ATP9B: variants seen among roughly 807,000 people sequenced by gnomAD.
ATP9B encodes probable phospholipid-transporting ATPase IIB.
A neutral mutation model predicts 146.1 loss-of-function variants in ATP9B; 110 were observed. The ratio of observed to expected loss-of-function variants is 0.75; its 90% CI spans 0.65 to 0.88. The LOEUF (loss-of-function observed/expected upper bound fraction) is 0.88, where lower values mean the gene tolerates loss of function less well. Ranked by LOEUF, ATP9B falls within the 40% of genes least tolerant of loss-of-function variation. The pLI is 0.00. For missense variants in ATP9B, 1,499 were observed against 1,496.4 expected (o/e 1.00, Z -0.03); for synonymous variants, 604 against 569.7 (o/e 1.06, Z -0.86).
intron 1 of ATP9B, chr18:79,077,942 C>T (rs946794125): frequency 6.6e-6 from 1 of 152,164 alleles, no homozygotes; most frequent in Non-Finnish European, 1.5e-5. Flanking sequence ...TAATAAAAGC[C>T]GGTTCGATCT....
chr18:79,208,898 C>A (rs1354480132), intron 10 of ATP9B, among the ~76,000 whole-genome samples: 2 of 152,204 alleles, frequency 1.3e-5, no homozygotes, highest in Non-Finnish European at 2.9e-5. Context: ...CAGGAGGACT[C>A]TTCTGGGGTG....
At chr18:79,348,926 G>A (rs1351496795) in intron 25 of ATP9B, among the ~76,000 whole-genome samples, 1 of 152,266 alleles carries the variant, frequency 6.6e-6, no homozygotes, top group East Asian at 1.9e-4. Context: ...GGAGGTTTCA[G>A]TGAGCTAAGA....
chr18:79,187,969 C>T (rs1436244673), intron 8 of ATP9B, among the ~76,000 whole-genome samples: 1 of 152,108 alleles, frequency 6.6e-6, no homozygotes. Flanking sequence ...TGACTTACAA[C>T]TCTCCAGTCC....
chr18:79,243,226 G>A (rs1009251859), intron 11 of ATP9B, among the ~76,000 whole-genome samples: 4 of 152,192 alleles, frequency 2.6e-5, no homozygotes, highest in African/African-American at 9.7e-5. Flanking sequence ...CTTTGTTCAC[G>A]ATGATAGTAA....
chr18:79,347,598 C>T (rs304918), intron 23 of ATP9B, among the ~76,000 whole-genome samples, 172 bp from the exon 24 acceptor site: 15,083 of 152,276 alleles, frequency 0.099, 942 homozygotes, highest in Non-Finnish European at 0.13. Context: ...TCTTCCTGCC[C>T]CTGTGTCTGA....
chr18:79,073,090 T>G (rs2072126619), intron 1 of ATP9B, among the ~76,000 whole-genome samples: 1 of 151,286 alleles, frequency 6.6e-6, no homozygotes, highest in Non-Finnish European at 1.5e-5. Flanking sequence ...GCGGAGACGC[T>G]CCTCACTTCC....
chr18:79,372,637 G>C, intron 26 of ATP9B, 188 bp from the exon 27 acceptor site: 1 of 676,340 alleles, frequency 1.5e-6, no homozygotes, highest in South Asian at 1.5e-5. Context: ...GTGGGACCCA[G>C]GCAGCTTCTT....
At chr18:79,240,600 C>T (rs917064493) in intron 11 of ATP9B, among the ~76,000 whole-genome samples, 8 of 152,136 alleles carry the variant, frequency 5.3e-5, no homozygotes, top group Non-Finnish European at 1.2e-4. Flanking sequence ...ACAAAATTAG[C>T]TGGGTGTGGT....
At chr18:79,202,051 C>G (rs1221186269) in intron 9 of ATP9B, among the ~76,000 whole-genome samples, 1 of 151,992 alleles carries the variant, frequency 6.6e-6, no homozygotes, top group Non-Finnish European at 1.5e-5. Context: ...GAGTGAGACC[C>G]TGTCCTAAAA....
At chr18:79,287,042 G>T (rs1178342904) in intron 13 of ATP9B, among the ~76,000 whole-genome samples, 3 of 152,174 alleles carry the variant, frequency 2.0e-5, no homozygotes, top group African/African-American at 7.2e-5. Context: ...GAGGATGCTT[G>T]CATCAGTGTT....
intron 11 of ATP9B, among the ~76,000 whole-genome samples, chr18:79,215,147 CA>C (rs11444921): frequency 9.9e-4 from 115 of 115,738 alleles, no homozygotes; most frequent in Admixed American, 1.0e-3. Flanking sequence ...GATTCTGTCT[CA>C]AAAAAAAAAA....
At chr18:79,159,709 C>A (rs546332355) in intron 7 of ATP9B, among the ~76,000 whole-genome samples, 6 of 152,316 alleles carry the variant, frequency 3.9e-5, no homozygotes, top group African/African-American at 1.4e-4. Flanking sequence ...CCCAGCACAC[C>A]TATCTAGCTA....
intron 15 of ATP9B, among the ~76,000 whole-genome samples, chr18:79,321,131 T>G (rs1308644928): frequency 6.6e-6 from 1 of 152,216 alleles, no homozygotes; most frequent in Non-Finnish European, 1.5e-5. Context: ...CTAGGCTGCT[T>G]TCACCTAGTC....
Position 79,345,472 on chromosome 18 carries a change from C to A in ATP9B, c.2517C>A (p.Cys839Ter). 2 of 1,613,928 alleles carry A rather than the reference C, an allele frequency of 1.2e-6. No individual in the cohort carries two copies. Among genetic ancestry groups the A allele is most frequent in the South Asian group, 2.2e-5 (2 of 91,084 alleles). Residue 839 changes from cysteine (C) to a stop codon, truncating the protein, a stop_gained, in exon 22 of 30, where the codon TGC becomes TGA. Coordinates refer to ENST00000426216, the MANE Select transcript of ATP9B (RefSeq NM_198531.5). LOFTEE classifies it high-confidence loss of function. The part of the protein sequence containing the change: ...YYEHEFVELA[C>*]QCPAVVCCRC... ...AGCATGAATTTGTGGAGCTGGCCTGCCAGTGCCCTGCCGTGGTTTGCTGCC... is the reference window on the plus strand; with the variant it reads ...AGCATGAATTTGTGGAGCTGGCCTGACAGTGCCCTGCCGTGGTTTGCTGCC...
At chr18:79,264,448 A>G (rs1361012397) in intron 12 of ATP9B, among the ~76,000 whole-genome samples, 1 of 152,158 alleles carries the variant, frequency 6.6e-6, no homozygotes, top group Non-Finnish European at 1.5e-5. Context: ...TTTTGCTGAT[A>G]TCTTTCTCAA....
At chr18:79,143,312 A>T (rs560927828) in intron 5 of ATP9B, among the ~76,000 whole-genome samples, 2 of 152,356 alleles carry the variant, frequency 1.3e-5, no homozygotes, top group African/African-American at 2.4e-5. Flanking sequence ...AAAGTTTTAG[A>T]TATAACTTTT....
chr18:79,202,302 G>T (rs1000564135), intron 9 of ATP9B, among the ~76,000 whole-genome samples: 4 of 152,158 alleles, frequency 2.6e-5, no homozygotes, highest in Admixed American at 2.6e-4. Flanking sequence ...TATTGTCTTG[G>T]AAGTTTGGAG....
chr18:79,272,662 C>G (rs141526004), intron 12 of ATP9B, among the ~76,000 whole-genome samples: 3 of 152,334 alleles, frequency 2.0e-5, no homozygotes, highest in Non-Finnish European at 4.4e-5. Flanking sequence ...GCTCCTCTCC[C>G]TGAGCCCTCT....
chr18:79,230,857 G>A (rs1398729182), intron 11 of ATP9B, among the ~76,000 whole-genome samples: 3 of 152,118 alleles, frequency 2.0e-5, no homozygotes, highest in Admixed American at 2.0e-4. Context: ...CAGAAATAAA[G>A]CCAAATACTT....
Sources: allele counts gnomAD v4.1 joint callset (sites outside exome capture counted in the v4.1 genomes callset), GRCh38; gene constraint gnomAD v4.1.1; transcripts MANE v1.5; gene names NCBI Gene and HGNC (gene_info 2026-07-23, HGNC 2026-07-21).